The following RAP1A variants were observed in gnomAD, a reference collection of about 807,000 sequenced individuals.
RAP1A encodes the protein ras-related protein Rap-1A.
A neutral mutation model predicts 26.4 loss-of-function variants in RAP1A; 6 were observed. The ratio of observed to expected loss-of-function variants is 0.23; its 90% CI spans 0.12 to 0.45. The LOEUF is 0.45. Ranked by LOEUF, RAP1A falls within the 20% of genes least tolerant of loss-of-function variation. The probability of loss-of-function intolerance (pLI) is 0.99; values close to 1 mark genes in which losing one functional copy is unlikely to be tolerated. For missense variants in RAP1A, 121 were observed against 217.2 expected (o/e 0.56, Z 2.78); for synonymous variants, 73 against 79.4 (o/e 0.92, Z 0.43).
intron 1 of RAP1A, among the ~76,000 whole-genome samples, chr1:111,580,069 T>C (rs1176292687): frequency 6.6e-6 from 1 of 152,194 alleles, no homozygotes; most frequent in Non-Finnish European, 1.5e-5. Context: ...GTGCTAGGAT[T>C]ACAGGTGTGA....
intron 1 of RAP1A, among the ~76,000 whole-genome samples, chr1:111,651,034 C>A (rs1660252412): frequency 1.3e-5 from 2 of 152,084 alleles, no homozygotes; most frequent in Admixed American, 1.3e-4. Flanking sequence ...GATCTCCTGA[C>A]CTCGTGATCC....
rs138357858 is a variant in RAP1A, at chr1:111,547,870, A to G, written c.-28+5361A>G. On this transcript the variant is annotated intron_variant, in intron 1 of 7. Transcript: ENST00000356415. ...TAAAGCTTTGTCTAACTCTCTTAAAACACTCTCATAATAAGCAGATGCTAT... is the reference window on the plus strand; with the variant it reads ...TAAAGCTTTGTCTAACTCTCTTAAAGCACTCTCATAATAAGCAGATGCTAT... Among the ~76,000 whole-genome samples, 610 of 152,308 alleles carry G rather than the reference A, an allele frequency of 4.0e-3. 4 individuals carry two copies. The highest frequency in any genetic ancestry group is 0.013 in the African/African-American group (556 of 41,560).
At chr1:111,563,503 T>C (rs948482200) in intron 1 of RAP1A, among the ~76,000 whole-genome samples, 1 of 152,202 alleles carries the variant, frequency 6.6e-6, no homozygotes, top group African/African-American at 2.4e-5. Context: ...CTGAGTTTTA[T>C]ATAACAAAAT....
chr1:111,711,781 G>A (rs1370258828), intron 7 of RAP1A, among the ~76,000 whole-genome samples: 1 of 152,144 alleles, frequency 6.6e-6, no homozygotes, highest in Non-Finnish European at 1.5e-5. Flanking sequence ...ATAGCCTTTA[G>A]GCAAAATTGT....
chr1:111,710,466 A>C (rs1662342069), intron 7 of RAP1A, among the ~76,000 whole-genome samples: 1 of 152,336 alleles, frequency 6.6e-6, no homozygotes, highest in East Asian at 1.9e-4. Context: ...GATTATTTTC[A>C]TGGAGTGGAT....
chr1:111,614,671 G>A (rs1358674782), intron 1 of RAP1A, among the ~76,000 whole-genome samples: 2 of 152,028 alleles, frequency 1.3e-5, no homozygotes, highest in African/African-American at 4.8e-5. Flanking sequence ...TTGCTTCCAG[G>A]GTATAAAGAC....
chr1:111,708,278 A>C, intron 6 of RAP1A, among the ~76,000 whole-genome samples: 1 of 152,244 alleles, frequency 6.6e-6, no homozygotes, highest in Admixed American at 6.5e-5. Context: ...ACATCAAAAA[A>C]AGGCAAACAA....
At chr1:111,628,050 T>G (rs1020831590) in intron 1 of RAP1A, among the ~76,000 whole-genome samples, 6 of 152,100 alleles carry the variant, frequency 3.9e-5, no homozygotes, top group Non-Finnish European at 7.4e-5. Context: ...CTGCTAAATA[T>G]GTGTATGATT....
At position 111,674,219 on chromosome 1, in the gene RAP1A, T is replaced by C. The variant is rs185881353; in HGVS notation, c.-27-17115T>C. The stretch of plus-strand genomic sequence containing the variant: ...CCAGACTGGAAAGGGGGTAGGGATG[T>C]AGGCATCCTTTTACGTGAAATATAT... On this transcript the variant is annotated intron_variant, in intron 1 of 7. Coordinates refer to ENST00000369709, the MANE Select transcript of RAP1A (RefSeq NM_002884.4). Among the ~76,000 whole-genome samples, 249 of 152,284 alleles carry C rather than the reference T, an allele frequency of 1.6e-3. 2 individuals carry two copies. Among genetic ancestry groups the C allele is most frequent in the Non-Finnish European group, 3.3e-3 (225 of 68,022 alleles).
chr1:111,613,842 ATT>A (rs1250817906), intron 1 of RAP1A, among the ~76,000 whole-genome samples: 1 of 152,254 alleles, frequency 6.6e-6, no homozygotes, highest in African/African-American at 2.4e-5. Context: ...TATGGACCAC[ATT>A]TTGAGTGGCA....
intron 1 of RAP1A, among the ~76,000 whole-genome samples, chr1:111,657,560 A>G (rs1294082774): frequency 6.6e-6 from 1 of 151,892 alleles, no homozygotes; most frequent in Non-Finnish European, 1.5e-5. Flanking sequence ...CTTTCCTCCT[A>G]TGTTTTCTTC....
At chr1:111,593,908 C>T (rs773720942) in intron 1 of RAP1A, among the ~76,000 whole-genome samples, 5 of 152,058 alleles carry the variant, frequency 3.3e-5, no homozygotes, top group Non-Finnish European at 7.4e-5. Context: ...TATAAAATGT[C>T]CTCTGAGACA....
chr1:111,706,483 A>G (rs775466070), intron 6 of RAP1A, among the ~76,000 whole-genome samples: 30 of 152,130 alleles, frequency 2.0e-4, no homozygotes, highest in Admixed American at 3.9e-4. Flanking sequence ...ATTTTTCAAA[A>G]ACTCTTATTC....
Position 111,619,886 on chromosome 1 carries a change from G to T in RAP1A, c.-76G>T. 1 of 396,942 alleles carries T rather than the reference G, an allele frequency of 2.5e-6. No homozygotes were observed. Among genetic ancestry groups the T allele is most frequent in the African/African-American group, 2.1e-5 (1 of 48,414 alleles). The allele number at this position is 396,942 out of a possible 1,614,324, so 24.6% of individuals were successfully genotyped here. The stretch of plus-strand genomic sequence containing the variant: ...GGCCGAGAGGAGGGAGGAGGAGGAG[G>T]AGGAGGTGGAGGAGGTGGAGGAGGT... On this transcript the variant is annotated 5_prime_UTR_variant, in exon 1 of 8. Transcript: ENST00000369709.
intron 1 of RAP1A, among the ~76,000 whole-genome samples, chr1:111,597,394 T>C (rs1658581868): frequency 6.6e-6 from 1 of 152,130 alleles, no homozygotes; most frequent in Non-Finnish European, 1.5e-5. Flanking sequence ...CTTTAAGCAA[T>C]TAATATTGTG....
chr1:111,676,041 C>G (rs1231039827), intron 1 of RAP1A, among the ~76,000 whole-genome samples: 3 of 152,112 alleles, frequency 2.0e-5, no homozygotes, highest in African/African-American at 7.2e-5. Flanking sequence ...CTAGCCCTGC[C>G]CTTGACACGT....
chr1:111,584,129 G>A (rs1232075374), intron 1 of RAP1A, among the ~76,000 whole-genome samples: 2 of 151,806 alleles, frequency 1.3e-5, no homozygotes, highest in Non-Finnish European at 2.9e-5. Context: ...TGATCCACCC[G>A]CCTCGGCCTC....
chr1:111,659,524 T>C (rs908435789), intron 1 of RAP1A, among the ~76,000 whole-genome samples: 2 of 151,428 alleles, frequency 1.3e-5, no homozygotes, highest in South Asian at 2.1e-4. Flanking sequence ...TTTTTTTTTT[T>C]CTCTTATTAT....
chr1:111,642,161 C>T (rs769624644), intron 1 of RAP1A, among the ~76,000 whole-genome samples: 3 of 152,228 alleles, frequency 2.0e-5, no homozygotes, highest in East Asian at 1.9e-4. Context: ...AGGAGAATCA[C>T]GTGAACCCGG....
Sources: allele counts gnomAD v4.1 joint callset (sites outside exome capture counted in the v4.1 genomes callset), GRCh38; gene constraint gnomAD v4.1.1; transcripts MANE v1.5; gene names NCBI Gene and HGNC (gene_info 2026-07-23, HGNC 2026-07-21).